Variants in KIAA1217 observed in about 807,000 individuals in gnomAD.
The protein encoded by KIAA1217 is KIAA1217.
KIAA1217 carries 88 observed loss-of-function variants against 163.9 expected under a neutral mutation model. The ratio of observed to expected loss-of-function variants is 0.54; its 90% CI spans 0.45 to 0.64. The LOEUF (loss-of-function observed/expected upper bound fraction) is 0.64, where lower values mean the gene tolerates loss of function less well. KIAA1217 is among the 30% of genes least tolerant of loss of function. The pLI is 0.00. For missense variants in KIAA1217, 2,372 were observed against 2,475.0 expected, an observed-to-expected ratio of 0.96 and a Z score of 0.88; for synonymous variants, 903 against 923.1, an observed-to-expected ratio of 0.98 and a Z score of 0.39.
rs557397565 is a variant in KIAA1217 at position 24,194,553 on chromosome 10, G to A, written c.-170-25073G>A. ...GTGTCTACAGCTCACTTTGTCCTTA[G>A]CACAGGCAGCCTCTTTTCTTTGTTT... On this transcript the variant is annotated intron_variant, in intron 2 of 18. Transcript: ENST00000376462. Among the ~76,000 whole-genome samples the A allele has an allele frequency of 2.8e-4, 42 of 151,070 alleles. 1 individual carries two copies. The highest frequency in any genetic ancestry group is 8.0e-4 in the African/African-American group (33 of 41,098).
At chr10:24,383,988 G>A (rs556788071) in intron 3 of KIAA1217, among the ~76,000 whole-genome samples, 94 of 152,302 alleles carry the variant, frequency 6.2e-4, no homozygotes, top group African/African-American at 2.2e-3. Context: ...ACACACAGAC[G>A]CACGGGTTCC....
chr10:24,122,834 C>CTAT (rs2063332383), intron 2 of KIAA1217, among the ~76,000 whole-genome samples: 1 of 151,868 alleles, frequency 6.6e-6, no homozygotes, highest in African/African-American at 2.4e-5. Flanking sequence ...AATAATGAAG[C>CTAT]TATGCCCCCA....
At chr10:23,764,205 G>T (rs1834401480) in intron 1 of KIAA1217, among the ~76,000 whole-genome samples, 1 of 152,148 alleles carries the variant, frequency 6.6e-6, no homozygotes, top group South Asian at 2.1e-4. Context: ...ATGAAAAAAA[G>T]CTGAACATCA....
upstream of KIAA1217, among the ~76,000 whole-genome samples, chr10:24,204,601 A>T (rs2067446703): frequency 6.6e-6 from 1 of 152,084 alleles, no homozygotes; most frequent in Non-Finnish European, 1.5e-5. Flanking sequence ...GGGATCACAC[A>T]TAGGTGGCCA....
chr10:23,887,441 C>G (rs1391186772), intron 1 of KIAA1217, among the ~76,000 whole-genome samples: 1 of 151,802 alleles, frequency 6.6e-6, no homozygotes, highest in East Asian at 2.0e-4. Context: ...GACCATTAGG[C>G]TAAGTTAGAA....
chr10:24,380,614 CAATAAATAAATAAATAAATA>C (rs56384961), intron 2 of KIAA1217, among the ~76,000 whole-genome samples: 8 of 145,628 alleles, frequency 5.5e-5, no homozygotes, highest in Admixed American at 1.4e-4. Context: ...TGCACTCTGG[CAATAAATAAATAAATAAATA>C]AATAAATAAA....
intron 2 of KIAA1217, among the ~76,000 whole-genome samples, chr10:24,379,572 G>A (rs529831257): frequency 2.2e-4 from 33 of 152,268 alleles, no homozygotes; most frequent in African/African-American, 6.3e-4. Context: ...AGGTGTGATT[G>A]TCTGGATAAT....
chr10:24,022,575 G>A (rs757266639), intron 2 of KIAA1217, among the ~76,000 whole-genome samples: 26 of 151,688 alleles, frequency 1.7e-4, no homozygotes, highest in Non-Finnish European at 3.1e-4. Flanking sequence ...GTTAAACATC[G>A]ACTTACTATA....
chr10:24,187,213 C>T (rs886783338), intron 2 of KIAA1217, among the ~76,000 whole-genome samples: 3 of 152,136 alleles, frequency 2.0e-5, no homozygotes, highest in African/African-American at 4.8e-5. Flanking sequence ...CCTGTCTTGT[C>T]GCTTGTCACA....
intron 1 of KIAA1217, among the ~76,000 whole-genome samples, chr10:23,778,454 A>G (rs1022884382): frequency 6.6e-6 from 1 of 151,756 alleles, no homozygotes; most frequent in Non-Finnish European, 1.5e-5. Context: ...CAGATATTGC[A>G]TTGTTGTCAA....
intron 2 of KIAA1217, among the ~76,000 whole-genome samples, chr10:24,164,957 G>T (rs1019743426): frequency 6.6e-6 from 1 of 152,212 alleles, no homozygotes; most frequent in African/African-American, 2.4e-5. Context: ...AGGGAAGATT[G>T]CATTGAAGAG....
At chr10:24,530,971 G>C (rs1044411677) in intron 14 of KIAA1217, among the ~76,000 whole-genome samples, 2 of 151,942 alleles carry the variant, frequency 1.3e-5, no homozygotes, top group African/African-American at 4.8e-5. Context: ...GAGGCAGACA[G>C]ATTGCTTGAT....
In KIAA1217 at chr10:24,085,670, T is replaced by TA. The variant is rs148960876; in HGVS notation, c.-171+78308dup. Among the ~76,000 whole-genome samples the TA allele has an allele frequency of 2.2e-3, 324 of 144,048 alleles. 2 individuals are homozygous for TA. The highest frequency in any genetic ancestry group is 3.7e-3 in the African/African-American group (146 of 39,402). 94.5% of individuals were successfully genotyped at this position (144,048 alleles called of 152,430 possible). On this transcript the variant is annotated intron_variant, in intron 2 of 18. Coordinates refer to the KIAA1217 transcript ENST00000376462. The stretch of plus-strand genomic sequence containing the variant: ...ACAGATAAATACACACAATTTCAGT[T>TA]AAAAAAAAAAAAGTGCTGGCTGGGA...
intron 2 of KIAA1217, among the ~76,000 whole-genome samples, chr10:24,372,602 A>C (rs555670360): frequency 6.6e-6 from 1 of 152,162 alleles, no homozygotes. Flanking sequence ...CAATATACCC[A>C]TGTAACAAAC....
At chr10:23,917,902 T>C (rs947937163) in intron 1 of KIAA1217, among the ~76,000 whole-genome samples, 5 of 152,198 alleles carry the variant, frequency 3.3e-5, no homozygotes, top group Non-Finnish European at 5.9e-5. Context: ...TTGTGGGATG[T>C]ATTATGTATG....
chr10:24,493,912 G>A (rs573642265), intron 6 of KIAA1217, among the ~76,000 whole-genome samples: 6 of 152,228 alleles, frequency 3.9e-5, no homozygotes, highest in South Asian at 2.1e-4. Context: ...TGCCCACCTC[G>A]GCTTCCCAAA....
At chr10:23,976,543 G>A (rs976841476) in intron 1 of KIAA1217, among the ~76,000 whole-genome samples, 12 of 152,090 alleles carry the variant, frequency 7.9e-5, no homozygotes, top group African/African-American at 2.7e-4. Context: ...TATACAAGAC[G>A]ATATTCCTCA....
chr10:24,140,421 A>T (rs910045466), intron 2 of KIAA1217, among the ~76,000 whole-genome samples: 1 of 152,120 alleles, frequency 6.6e-6, no homozygotes, highest in Non-Finnish European at 1.5e-5. Context: ...AATTGTCAGC[A>T]ACACTTTTCC....
intron 1 of KIAA1217, among the ~76,000 whole-genome samples, chr10:23,856,477 G>A (rs1418528356): frequency 6.6e-6 from 1 of 152,250 alleles, no homozygotes; most frequent in Non-Finnish European, 1.5e-5. Flanking sequence ...GGACCCACTT[G>A]AGGAGGCAGT....
Sources: allele counts gnomAD v4.1 joint callset (sites outside exome capture counted in the v4.1 genomes callset), GRCh38; gene constraint gnomAD v4.1.1; transcripts MANE v1.5; gene names NCBI Gene and HGNC (gene_info 2026-07-23, HGNC 2026-07-21).